B3GAT2: variants seen among roughly 807,000 people sequenced by gnomAD.
B3GAT2 encodes the protein galactosylgalactosylxylosylprotein 3-beta-glucuronosyltransferase 2.
In B3GAT2, 26 loss-of-function variants were observed where a neutral mutation model predicts 27.8. That is an observed-to-expected ratio of 0.93 (90% CI 0.68 to 1.30). B3GAT2 has a LOEUF of 1.30. Among genes scored for constraint, B3GAT2 ranks in the 50% most tolerant of loss-of-function variants. The pLI is 0.00. For missense variants in B3GAT2, 458 were observed against 459.0 expected (o/e 1.00, Z 0.02); for synonymous variants, 218 against 195.1 (o/e 1.12, Z -0.98).
At chr6:70,862,312 G>T (rs1007921136) in intron 2 of B3GAT2, among the ~76,000 whole-genome samples, 1 of 152,120 alleles carries the variant, frequency 6.6e-6, no homozygotes, top group East Asian at 1.9e-4. Flanking sequence ...GAATAACTAA[G>T]AAATAAATGC....
intron 1 of B3GAT2, among the ~76,000 whole-genome samples, chr6:70,900,851 T>C (rs1486826852): frequency 6.6e-6 from 1 of 152,216 alleles, no homozygotes; most frequent in African/African-American, 2.4e-5. Flanking sequence ...TTATCGATCT[T>C]CTGAAATTTA....
At chr6:70,929,805 C>A (rs1280052436) in intron 1 of B3GAT2, among the ~76,000 whole-genome samples, 1 of 152,190 alleles carries the variant, frequency 6.6e-6, no homozygotes, top group Non-Finnish European at 1.5e-5. Flanking sequence ...CCCCATTGAG[C>A]TACCAATGAC....
chr6:70,901,211 C>T (rs189179610), intron 1 of B3GAT2, among the ~76,000 whole-genome samples: 1 of 152,328 alleles, frequency 6.6e-6, no homozygotes, highest in Admixed American at 6.5e-5. Flanking sequence ...CATCCCCCTC[C>T]TAATGATTTC....
At chr6:70,879,189 T>TTTG (rs35729327) in intron 2 of B3GAT2, among the ~76,000 whole-genome samples, 52,017 of 151,776 alleles carry the variant, frequency 0.34, 10,308 homozygotes, top group Admixed American at 0.44. Flanking sequence ...TGACTTTGTT[T>TTTG]TTGTTGTTGT....
intron 1 of B3GAT2, among the ~76,000 whole-genome samples, chr6:70,947,929 C>T (rs13202230): frequency 9.9e-4 from 150 of 152,064 alleles, no homozygotes; most frequent in South Asian, 4.2e-3. Context: ...GTTCAATATA[C>T]GCAAATCAAT....
intron 2 of B3GAT2, among the ~76,000 whole-genome samples, chr6:70,888,676 ACT>A (rs1465678548): frequency 6.6e-6 from 1 of 151,960 alleles, no homozygotes; most frequent in Non-Finnish European, 1.5e-5. Context: ...AAAATGTCAG[ACT>A]CTCCAATGTC....
chr6:70,942,468 T>A (rs1303404248), intron 1 of B3GAT2, among the ~76,000 whole-genome samples: 2 of 152,184 alleles, frequency 1.3e-5, no homozygotes, highest in African/African-American at 2.4e-5. Context: ...CCCTGTCCCA[T>A]CACCCACTAG....
At position 70,956,238 on chromosome 6, in the gene B3GAT2, T is replaced by C. The variant is rs1397000051; in HGVS notation, c.192A>G (p.Gln64=). 3 of 1,612,316 alleles carry C rather than the reference T, an allele frequency of 1.9e-6. No homozygotes were observed. Among genetic ancestry groups the C allele is most frequent in the Non-Finnish European group, 2.5e-6 (3 of 1,179,076 alleles). ...GCTGCGGCCGAGACTGGTTGCGCTT[T>C]TGGGTCCCGTGAGCCGGGCCGCCCC... ...LRRGGPAHGT[Q]KRNQSRPQPQ... Residue 64 remains glutamine, a synonymous_variant, in exon 1 of 4, where the codon CAA becomes CAG. Coordinates refer to ENST00000230053, the MANE Select transcript of B3GAT2 (RefSeq NM_080742.3).
intron 2 of B3GAT2, among the ~76,000 whole-genome samples, chr6:70,876,575 T>C (rs920529517): frequency 3.3e-5 from 5 of 152,246 alleles, no homozygotes; most frequent in African/African-American, 1.2e-4. Context: ...TAAATGAATA[T>C]ATGTAAACAA....
intron 1 of B3GAT2, among the ~76,000 whole-genome samples, chr6:70,907,359 G>A (rs1772618850): frequency 1.3e-5 from 2 of 152,190 alleles, no homozygotes; most frequent in African/African-American, 4.8e-5. Flanking sequence ...CAGCCACCTT[G>A]CAACCAGGAA....
At chr6:70,930,572 G>A (rs903207072) in intron 1 of B3GAT2, among the ~76,000 whole-genome samples, 1 of 152,134 alleles carries the variant, frequency 6.6e-6, no homozygotes, top group Non-Finnish European at 1.5e-5. Context: ...GCAGCCAACA[G>A]ACACACGAAA....
chr6:70,928,592 T>A (rs118191323), intron 1 of B3GAT2, among the ~76,000 whole-genome samples: 1 of 151,870 alleles, frequency 6.6e-6, no homozygotes, highest in Non-Finnish European at 1.5e-5. Flanking sequence ...CTAGAAGAAA[T>A]AGAAAAATTC....
chr6:70,944,964 G>T (rs1765455485), intron 1 of B3GAT2, among the ~76,000 whole-genome samples: 2 of 152,194 alleles, frequency 1.3e-5, no homozygotes, highest in Admixed American at 6.5e-5. Context: ...GGCAAACAGG[G>T]TCTGGAGTGG....
Position 70,858,465 on chromosome 6 carries a change from C to T in B3GAT2, c.*3198G>A, listed in dbSNP as rs1232451789. On this transcript the variant is annotated 3_prime_UTR_variant, in exon 4 of 4. Coordinates refer to ENST00000230053, the MANE Select transcript of B3GAT2 (RefSeq NM_080742.3). Reference sequence around the variant, plus strand: ...ATTCTGTAAAAAAAAGGTTAAACATCTTTCATTTCAAATTGTAATGTAACT... The same window carrying T: ...ATTCTGTAAAAAAAAGGTTAAACATTTTTCATTTCAAATTGTAATGTAACT... The T allele has an allele frequency of 2.7e-6, 1 of 374,120 alleles. No individual in the cohort carries two copies. 23.2% of individuals were successfully genotyped at this position (374,120 alleles called of 1,614,324 possible).
chr6:70,873,857 T>C (rs1771974746), intron 2 of B3GAT2, among the ~76,000 whole-genome samples: 1 of 152,114 alleles, frequency 6.6e-6, no homozygotes, highest in African/African-American at 2.4e-5. Flanking sequence ...TTTTTATTAG[T>C]GTACATTTCA....
At chr6:70,883,320 C>T (rs1334009890) in intron 2 of B3GAT2, among the ~76,000 whole-genome samples, 3 of 152,058 alleles carry the variant, frequency 2.0e-5, no homozygotes, top group African/African-American at 7.2e-5. Context: ...TGGAAACAAC[C>T]CAAACGTCCA....
chr6:70,916,714 G>A (rs1356899658), intron 1 of B3GAT2, among the ~76,000 whole-genome samples: 1 of 152,182 alleles, frequency 6.6e-6, no homozygotes, highest in Non-Finnish European at 1.5e-5. Context: ...ATTTGCCTAT[G>A]TTGAACCAGC....
At chr6:70,932,072 T>C (rs539688131) in intron 1 of B3GAT2, among the ~76,000 whole-genome samples, 14 of 152,258 alleles carry the variant, frequency 9.2e-5, no homozygotes, top group Admixed American at 3.9e-4. Context: ...GACATATCAC[T>C]TCACACCTTT....
intron 1 of B3GAT2, among the ~76,000 whole-genome samples, chr6:70,905,684 A>G (rs937812721): frequency 2.0e-5 from 3 of 152,138 alleles, no homozygotes; most frequent in African/African-American, 7.2e-5. Context: ...TGTATAGTCC[A>G]CTTGGCATGG....
Sources: gnomAD v4.1 joint callset for allele counts (sites outside exome capture counted in the v4.1 genomes callset) on GRCh38, gnomAD v4.1.1 for gene constraint, MANE v1.5 for transcripts, NCBI Gene and HGNC (gene_info 2026-07-23, HGNC 2026-07-21) for gene names.